LARP1B: variants seen among roughly 807,000 people sequenced by gnomAD.
LARP1B encodes La ribonucleoprotein 1B.
Under a neutral mutation model 114.2 loss-of-function variants are expected in LARP1B, and 76 were observed. The observed-to-expected ratio is 0.67, with a 90% CI of 0.55 to 0.81. The LOEUF (loss-of-function observed/expected upper bound fraction) is 0.81. LARP1B is among the 30% of genes least tolerant of loss of function. The pLI, the probability that LARP1B is intolerant of heterozygous loss-of-function variation, is 0.00. For synonymous variants in LARP1B, 345 were observed against 348.0 expected (o/e 0.99, Z 0.10); for missense variants, 1,014 against 1,075.8 (o/e 0.94, Z 0.80).
rs1445679268 is a variant in LARP1B, at chr4:128,200,563, C to A, written c.2207C>A (p.Thr736Asn). Reference protein sequence around the residue: ...LGIGQSQEMNTLFRFWSFFLR... With the variant: ...LGIGQSQEMNNLFRFWSFFLR... ...ATTGGTCAGTCCCAAGAAATGAATA[C>A]CCTCTTTCGTTTCTGGTCCTTTTTC... is the stretch of plus-strand genomic sequence containing the variant. The change falls in exon 17 of 20, where the codon ACC (threonine) becomes AAC (asparagine). Residue 736 changes from threonine (T) to asparagine (N), a missense_variant. Transcript: ENST00000326639. 7 of 1,589,464 alleles carry A rather than the reference C, an allele frequency of 4.4e-6. No homozygotes were observed. Among genetic ancestry groups the A allele is most frequent in the Non-Finnish European group, 6.0e-6 (7 of 1,168,594 alleles).
chr4:128,106,973 A>G (rs529248437), intron 8 of LARP1B, among the ~76,000 whole-genome samples, 166 bp from the exon 9 acceptor site: 21 of 152,332 alleles, frequency 1.4e-4, no homozygotes, highest in African/African-American at 5.1e-4. Flanking sequence ...TTACAGGTGC[A>G]AATGATTTTA....
chr4:128,070,626 A>G lies in LARP1B; in HGVS notation c.-77-3834A>G, dbSNP rs144550123. On this transcript the variant is annotated intron_variant, in intron 1 of 19. Coordinates refer to ENST00000326639, the MANE Select transcript of LARP1B (RefSeq NM_018078.4). ...CACTGAGCCAAGATGGTGCCATTGC[A>G]TTTCAGCCTGGGCAACGAGTGAAAT... Among the ~76,000 whole-genome samples, 1,144 of 152,276 alleles carry G rather than the reference A, an allele frequency of 7.5e-3. 10 individuals carry two copies. Among genetic ancestry groups the G allele is most frequent in the Non-Finnish European group, 9.2e-3 (627 of 68,028 alleles).
In LARP1B at chr4:128,122,187, A is replaced by T; in HGVS notation, c.1523A>T (p.Lys508Met). 6.2e-7 allele frequency: 1 copy of T among 1,611,882 alleles called. No homozygotes were observed. Among genetic ancestry groups the T allele is most frequent in the Non-Finnish European group, 8.5e-7 (1 of 1,178,234 alleles). Residue 508 changes from lysine to methionine, a missense_variant and splice_region_variant, in exon 11 of 20, where the codon AAG (lysine) becomes ATG (methionine). Transcript: ENST00000326639. Reference protein sequence around the residue: ...EEDENKHTAIKQEVENFKKLN... With the variant: ...EEDENKHTAIMQEVENFKKLN... ...GATGAAAACAAACACACAGCCATAA[A>T]GGTAATTGTTTCTGGCCAACATCTT...
chr4:128,074,065 T>C (rs11098946), intron 1 of LARP1B, among the ~76,000 whole-genome samples: 95,742 of 151,804 alleles, frequency 0.63, 30,627 homozygotes, highest in Middle Eastern at 0.81. Flanking sequence ...CTCAGCCTCC[T>C]GAGTATCTGG....
chr4:128,102,230 G>A (rs1780566467), intron 8 of LARP1B, among the ~76,000 whole-genome samples: 1 of 152,160 alleles, frequency 6.6e-6, no homozygotes, highest in Non-Finnish European at 1.5e-5. Context: ...GGCTTCATTA[G>A]GCATTGTAGT....
chr4:128,210,079 T>A lies in LARP1B; in HGVS notation c.*26T>A, dbSNP rs1471454467. 6.2e-7 allele frequency: 1 copy of A among 1,613,208 alleles called. No homozygotes were observed. The highest frequency in any genetic ancestry group is 1.1e-5 in the South Asian group (1 of 90,938). On this transcript the variant is annotated 3_prime_UTR_variant, in exon 20 of 20. Coordinates refer to ENST00000326639, the MANE Select transcript of LARP1B (RefSeq NM_018078.4). ...ACAGTGCTGCCTGTGTCCTGTGGTC[T>A]CAAGAAATGGTGAAATGCCTGAGAA... is the stretch of plus-strand genomic sequence containing the variant.
At chr4:128,220,496 A>AT in intron 7 of LARP1B, 1 of 195,938 alleles carries the variant, frequency 5.1e-6, no homozygotes, top group Non-Finnish European at 9.2e-6. Context: ...GATATCATAT[A>AT]ATTATATCAA....
rs372891425 is a variant in LARP1B at position 128,114,942 on chromosome 4, ATTTT to A, written c.1161+210_1161+213del. Among the ~76,000 whole-genome samples, 7 of 149,928 alleles carry A rather than the reference ATTTT, an allele frequency of 4.7e-5. No individual in the cohort carries two copies. The East Asian group carries it at 1.2e-3, about 25-fold the overall frequency. ...TGTATCAATTTTTAAAATGTTATTT[ATTTT>A]TTTTTTTTTGAGATGGAGTCTTGCC... On this transcript the variant is annotated intron_variant, in intron 10 of 19. Coordinates refer to ENST00000326639, the MANE Select transcript of LARP1B (RefSeq NM_018078.4).
At chr4:128,194,203 G>T (rs577904313) in intron 15 of LARP1B, among the ~76,000 whole-genome samples, 3 of 152,044 alleles carry the variant, frequency 2.0e-5, no homozygotes, top group East Asian at 2.0e-4. Context: ...CTCCTAAGTA[G>T]CTGGGATTAC....
chr4:128,197,880 C>CTTTTT (rs35888649), intron 15 of LARP1B, among the ~76,000 whole-genome samples: 94 of 87,002 alleles, frequency 1.1e-3, no homozygotes, highest in South Asian at 1.4e-3. Flanking sequence ...ACGATTGTAG[C>CTTTTT]TTTTTTTTTT....
At chr4:128,150,519 C>T (rs1732310073) in intron 11 of LARP1B, among the ~76,000 whole-genome samples, 1 of 152,040 alleles carries the variant, frequency 6.6e-6, no homozygotes, top group Admixed American at 6.6e-5. Flanking sequence ...TCTTGAATTC[C>T]TGGCCTCAAG....
chr4:128,178,670 C>T, intron 14 of LARP1B, 28 bp downstream of exon 14: 1 of 1,522,810 alleles, frequency 6.6e-7, no homozygotes, highest in Non-Finnish European at 9.1e-7. Context: ...GAATATAAGG[C>T]TTGCATTTTG....
Position 128,096,600 on chromosome 4 carries a change from CT to C in LARP1B, c.669-1574del, listed in dbSNP as rs796596859. Reference sequence around the variant, plus strand: ...TATTCTGTTCACCCTTAATGTCTTTCTTTTTTTTTTTTCTGTTTGAGATGGA... The same window carrying C: ...TATTCTGTTCACCCTTAATGTCTTTCTTTTTTTTTTTCTGTTTGAGATGGA... On this transcript the variant is annotated intron_variant, in intron 7 of 19. Coordinates refer to ENST00000326639, the MANE Select transcript of LARP1B (RefSeq NM_018078.4). 3.1e-3 allele frequency among the ~76,000 whole-genome samples: 450 copies of C among 144,862 alleles called. 2 individuals carry two copies. Among genetic ancestry groups the C allele is most frequent in the African/African-American group, 9.3e-3 (369 of 39,730 alleles).
chr4:128,133,999 A>ATTTTTTT (rs71587365), intron 11 of LARP1B, among the ~76,000 whole-genome samples: 1 of 139,084 alleles, frequency 7.2e-6, no homozygotes, highest in Non-Finnish European at 1.5e-5. Context: ...GCCCAGCCCA[A>ATTTTTTT]TTTTTTTTTT....
chr4:128,136,091 G>A (rs111620888), intron 11 of LARP1B, among the ~76,000 whole-genome samples: 5 of 151,914 alleles, frequency 3.3e-5, no homozygotes, highest in Non-Finnish European at 5.9e-5. Flanking sequence ...TCAGGAGTTC[G>A]AGACCAGCCT....
At chr4:128,147,304 CAG>C (rs1580998912) in intron 11 of LARP1B, among the ~76,000 whole-genome samples, 1 of 152,326 alleles carries the variant, frequency 6.6e-6, no homozygotes, top group East Asian at 1.9e-4. Context: ...ATTTCTGTGA[CAG>C]AGTCTTTCCC....
At chr4:128,171,948 A>G (rs4385082) in intron 12 of LARP1B, among the ~76,000 whole-genome samples, 63,063 of 151,088 alleles carry the variant, frequency 0.42, 14,537 homozygotes, top group African/African-American at 0.61. Flanking sequence ...TTTACAGCAA[A>G]TAGAGTGTGA....
chr4:128,073,551 T>A (rs1173667167), intron 1 of LARP1B, among the ~76,000 whole-genome samples: 3 of 146,110 alleles, frequency 2.1e-5, no homozygotes, highest in African/African-American at 7.4e-5. Flanking sequence ...ATTTGTAATT[T>A]TCTCCTGTTA....
At chr4:128,108,343 T>C in intron 9 of LARP1B, 1 of 997,926 alleles carries the variant, frequency 1.0e-6, no homozygotes, top group Non-Finnish European at 1.2e-6. Flanking sequence ...TCGATTTGCC[T>C]TTCAGTGTAG....
Sources: allele counts gnomAD v4.1 joint callset (sites outside exome capture counted in the v4.1 genomes callset), GRCh38; gene constraint gnomAD v4.1.1; transcripts MANE v1.5; gene names NCBI Gene and HGNC (gene_info 2026-07-23, HGNC 2026-07-21).